Variants in PPM1B observed in about 807,000 individuals in gnomAD.
PPM1B encodes the protein protein phosphatase, Mg2+/Mn2+ dependent 1B.
In PPM1B, 22 loss-of-function variants were observed where a neutral mutation model predicts 43.0. That is an observed-to-expected ratio of 0.51 (90% CI 0.37 to 0.73). PPM1B has a LOEUF of 0.73. Among genes scored for constraint, PPM1B ranks in the 30% least tolerant of loss-of-function variants. The pLI is 0.00. For missense variants in PPM1B, 632 were observed against 584.2 expected (o/e 1.08, Z -0.84); for synonymous variants, 217 against 197.9 (o/e 1.10, Z -0.81).
In PPM1B at chr2:44,220,483, GATT is replaced by G. The variant is rs1445039677; in HGVS notation, c.1134+1953_1134+1955del. 8.5e-5 allele frequency among the ~76,000 whole-genome samples: 13 copies of G among 152,096 alleles called. No homozygotes were observed. The South Asian group carries it at 1.5e-3, about 17-fold the overall frequency. ...CAATATATAAACCTTACCTTAAATA[GATT>G]ATTATTTGGCTATAGAAATGGGATA... On this transcript the variant is annotated intron_variant, in intron 5 of 5. Coordinates refer to ENST00000282412, the MANE Select transcript of PPM1B (RefSeq NM_002706.6).
At chr2:44,218,184 A>T in intron 4 of PPM1B, 106 bp downstream of exon 4, 1 of 847,040 alleles carries the variant, frequency 1.2e-6, no homozygotes, top group Non-Finnish European at 1.9e-6. Context: ...TAGAGGTGAA[A>T]TGGGTTAGTG....
At chr2:44,243,433 C>T (rs1670793370) in intron 5 of PPM1B, among the ~76,000 whole-genome samples, 2 of 152,124 alleles carry the variant, frequency 1.3e-5, no homozygotes, top group South Asian at 4.1e-4. Flanking sequence ...GTTTCATCAA[C>T]CTTCAGTTGC....
intron 5 of PPM1B, among the ~76,000 whole-genome samples, chr2:44,241,401 G>A (rs1670741428): frequency 6.9e-6 from 1 of 144,716 alleles, no homozygotes; most frequent in African/African-American, 2.5e-5. Context: ...TTTGTACTGT[G>A]TCGGGAATAC....
downstream of PPM1B, chr2:44,232,520 T>G: frequency 3.4e-6 from 5 of 1,457,090 alleles, no homozygotes; most frequent in Non-Finnish European, 4.5e-6. Context: ...TTTCTGACAG[T>G]TGCCACTTGT....
chr2:44,223,442 A>G (rs971277830), intron 5 of PPM1B, among the ~76,000 whole-genome samples: 12 of 152,200 alleles, frequency 7.9e-5, no homozygotes, highest in African/African-American at 2.9e-4. Flanking sequence ...TTTTAGAACT[A>G]TGTGAATATT....
chr2:44,187,535 C>T (rs1487087663), intron 1 of PPM1B, among the ~76,000 whole-genome samples: 1 of 152,124 alleles, frequency 6.6e-6, no homozygotes, highest in African/African-American at 2.4e-5. Flanking sequence ...AATTCTTGGC[C>T]ATCTGAAAGT....
Position 44,201,887 on chromosome 2 carries a change from T to G in PPM1B, c.688T>G (p.Leu230Val), listed in dbSNP as rs977653439. 1.2e-6 allele frequency: 2 copies of G among 1,614,202 alleles called. No homozygotes were observed. Among genetic ancestry groups the G allele is most frequent in the Non-Finnish European group, 1.7e-6 (2 of 1,180,030 alleles). The change falls in exon 2 of 6, where the codon TTA becomes GTA. Residue 230 changes from leucine (L) to valine (V), a missense_variant. Transcript: ENST00000282412. This position sits in a 1 kb window ranked among gnomAD's most constrained non-coding sequence, Gnocchi z 5.4. ...TCCAGAGCCTGAGGTTTATGAAATT[T>G]TAAGAGCAGAAGAGGATGAATTTAT... ...VSPEPEVYEI[L>V]RAEEDEFIIL... is the part of the protein sequence containing the mutation.
intron 5 of PPM1B, among the ~76,000 whole-genome samples, chr2:44,220,180 T>C (rs1280184261): frequency 6.6e-6 from 1 of 151,918 alleles, no homozygotes. Flanking sequence ...AAGACAGTTA[T>C]TGATTCATTA....
intron 5 of PPM1B, chr2:44,230,087 C>T: frequency 1.3e-6 from 2 of 1,520,236 alleles, no homozygotes; most frequent in Non-Finnish European, 1.8e-6. Flanking sequence ...ATCATATAGC[C>T]AAATATTGTT....
At chr2:44,235,670 A>G (rs954693850), downstream of PPM1B, among the ~76,000 whole-genome samples, 2 of 150,768 alleles carry the variant, frequency 1.3e-5, no homozygotes, top group Non-Finnish European at 3.0e-5. Flanking sequence ...ATAAAGCAGG[A>G]GGATTGCTTG....
intron 5 of PPM1B, among the ~76,000 whole-genome samples, chr2:44,221,514 G>A (rs1023946910): frequency 4.6e-5 from 7 of 152,160 alleles, no homozygotes; most frequent in African/African-American, 1.4e-4. Context: ...GTTAACTTGC[G>A]GGGTGGGAAA....
downstream of PPM1B, chr2:44,232,897 T>A: frequency 1.0e-6 from 1 of 971,956 alleles, no homozygotes; most frequent in Non-Finnish European, 1.2e-6. Context: ...ATTACCAAAC[T>A]GGGTTCTCCA....
chr2:44,222,760 C>T (rs910432573), intron 5 of PPM1B, among the ~76,000 whole-genome samples: 30 of 152,136 alleles, frequency 2.0e-4, no homozygotes, highest in African/African-American at 6.5e-4. Flanking sequence ...GTCTGTACCC[C>T]ACCTGTGTCT....
chr2:44,197,826 A>G (rs1337627706), intron 1 of PPM1B, among the ~76,000 whole-genome samples: 1 of 152,234 alleles, frequency 6.6e-6, no homozygotes. Flanking sequence ...ATTAGAATTA[A>G]ATGATATAGT....
intron 5 of PPM1B, among the ~76,000 whole-genome samples, chr2:44,220,630 C>A (rs182247067): frequency 6.6e-6 from 1 of 152,168 alleles, no homozygotes; most frequent in South Asian, 2.1e-4. Flanking sequence ...AGACGTGACC[C>A]CACCTGTGTG....
downstream of PPM1B, among the ~76,000 whole-genome samples, chr2:44,239,382 A>G (rs1670697794): frequency 6.6e-6 from 1 of 151,962 alleles, no homozygotes; most frequent in Non-Finnish European, 1.5e-5. Context: ...TTTTCTATAT[A>G]GTCTAGATAC....
intron 1 of PPM1B, among the ~76,000 whole-genome samples, chr2:44,187,717 A>G (rs923029447): frequency 3.9e-5 from 6 of 152,042 alleles, no homozygotes; most frequent in African/African-American, 1.4e-4. Flanking sequence ...TTGGTCCAGC[A>G]TTGCATTTCC....
intron 1 of PPM1B, among the ~76,000 whole-genome samples, chr2:44,182,751 T>C (rs1667944105): frequency 1.3e-5 from 2 of 152,070 alleles, no homozygotes; most frequent in African/African-American, 4.8e-5. Flanking sequence ...TTTTTCATAC[T>C]TTTTTTCTTT....
intron 5 of PPM1B, among the ~76,000 whole-genome samples, chr2:44,226,154 T>C (rs550402121): frequency 1.1e-3 from 174 of 152,054 alleles, no homozygotes; most frequent in Non-Finnish European, 2.0e-3. Flanking sequence ...TTTTTGTATT[T>C]TTAGTAGAGA....
Sources: gnomAD v4.1 joint callset for allele counts (sites outside exome capture counted in the v4.1 genomes callset) on GRCh38, gnomAD v4.1.1 for gene constraint, Gnocchi (gnomAD v3.1) non-coding constraint, MANE v1.5 for transcripts, NCBI Gene and HGNC (gene_info 2026-07-23, HGNC 2026-07-21) for gene names.